MYO1B: variants seen among roughly 807,000 people sequenced by gnomAD.
MYO1B encodes the protein unconventional myosin-Ib.
MYO1B carries 72 observed loss-of-function variants against 159.7 expected under a neutral mutation model. That is an observed-to-expected ratio of 0.45 (90% CI 0.37 to 0.55). The LOEUF (loss-of-function observed/expected upper bound fraction) is 0.55. Ranked by LOEUF, MYO1B falls within the 20% of genes least tolerant of loss-of-function variation. The pLI, the probability that MYO1B is intolerant of heterozygous loss-of-function variation, is 0.00. For missense variants in MYO1B, 1,062 were observed against 1,364.8 expected, an observed-to-expected ratio of 0.78 and a Z score of 3.50; for synonymous variants, 468 against 473.8, an observed-to-expected ratio of 0.99 and a Z score of 0.16.
chr2:191,363,030 G>A (rs1233116326), intron 9 of MYO1B, among the ~76,000 whole-genome samples: 3 of 152,214 alleles, frequency 2.0e-5, no homozygotes, highest in African/African-American at 7.2e-5. Context: ...TTTTGTATAT[G>A]TTTGACAACA....
intron 23 of MYO1B, 127 bp from the exon 24 acceptor site, chr2:191,402,505 T>C: frequency 1.3e-6 from 1 of 796,278 alleles, no homozygotes; most frequent in South Asian, 1.5e-5. Context: ...TGTTATGCAC[T>C]GTTCCTCTGT....
At chr2:191,344,739 A>G (rs1692450708) in intron 5 of MYO1B, among the ~76,000 whole-genome samples, 1 of 147,376 alleles carries the variant, frequency 6.8e-6, no homozygotes, top group South Asian at 2.3e-4. Flanking sequence ...CTGAGGCAGG[A>G]GAATGGCGTG....
At chr2:191,317,376 C>T (rs181991342) in intron 3 of MYO1B, among the ~76,000 whole-genome samples, 1 of 152,336 alleles carries the variant, frequency 6.6e-6, no homozygotes, top group African/African-American at 2.4e-5. Context: ...AGCATATTCT[C>T]ATTAGCCAGC....
intron 3 of MYO1B, among the ~76,000 whole-genome samples, chr2:191,322,844 G>A (rs971095560): frequency 1.3e-5 from 2 of 152,108 alleles, no homozygotes; most frequent in African/African-American, 4.8e-5. Context: ...AGAATTTGGG[G>A]TGAGACCACA....
intron 2 of MYO1B, among the ~76,000 whole-genome samples, chr2:191,289,155 G>C (rs376452383): frequency 2.0e-5 from 3 of 152,152 alleles, no homozygotes; most frequent in Non-Finnish European, 4.4e-5. Flanking sequence ...GGATTTCTCA[G>C]GTGGTAAAAT....
intron 1 of MYO1B, among the ~76,000 whole-genome samples, chr2:191,271,519 A>C (rs199815811): frequency 0.024 from 1 of 42 alleles, no homozygotes; most frequent in African/African-American, 0.029. Flanking sequence ...ATTTAAATCT[A>C]AAAAAAAAAA....
In MYO1B at chr2:191,269,565, G is replaced by C. The variant is rs116383395; in HGVS notation, c.-9-7322G>C. 3.4e-3 allele frequency among the ~76,000 whole-genome samples: 517 copies of C among 152,264 alleles called. 1 individual carries two copies. The highest frequency in any genetic ancestry group is 0.012 in the African/African-American group (497 of 41,546). On this transcript the variant is annotated intron_variant, in intron 1 of 30. Coordinates refer to ENST00000392318, the MANE Select transcript of MYO1B (RefSeq NM_001130158.3). ...GGGAGTCTGTGTTTAATTTGTTGGA[G>C]GCTCTGCTAAAGAATCATAATGCTG...
At chr2:191,308,704 T>C (rs983233746) in intron 3 of MYO1B, among the ~76,000 whole-genome samples, 3 of 152,234 alleles carry the variant, frequency 2.0e-5, no homozygotes, top group African/African-American at 7.2e-5. Context: ...CTTTTTCTTT[T>C]GTAAATCACT....
rs150527795 is a variant in MYO1B at position 191,272,230 on chromosome 2, G to A, written c.-9-4657G>A. On this transcript the variant is annotated intron_variant, in intron 1 of 30. Coordinates refer to ENST00000392318, the MANE Select transcript of MYO1B (RefSeq NM_001130158.3). ...CAGAGAGCTGAAAAGAACTGGCACA[G>A]CCTGTGGAGTTGCCTGGCACCAGTT... Among the ~76,000 whole-genome samples, 7 of 152,346 alleles carry A rather than the reference G, an allele frequency of 4.6e-5. No homozygotes were observed. The East Asian group carries it at 1.3e-3, about 29-fold the overall frequency.
At chr2:191,271,123 G>C (rs1356159677) in intron 1 of MYO1B, among the ~76,000 whole-genome samples, 1 of 152,180 alleles carries the variant, frequency 6.6e-6, no homozygotes, top group Non-Finnish European at 1.5e-5. Context: ...TGATTTTCTA[G>C]AAAAGGTGCT....
In MYO1B at chr2:191,350,196, G is replaced by A. The variant is rs552792004; in HGVS notation, c.533G>A (p.Gly178Asp). 2 of 1,612,792 alleles carry A rather than the reference G, an allele frequency of 1.2e-6. No homozygotes were observed. The highest frequency in any genetic ancestry group is 1.1e-5 in the South Asian group (1 of 91,022). ...ATGGATATTGAATTTGACTTTAAAG[G>A]CGATCCACTAGGAGGAGTAATAAGT... ...KYMDIEFDFK[G>D]DPLGGVISNY... Residue 178 changes from glycine to aspartate, a missense_variant, in exon 7 of 31, where the codon GGC (glycine) becomes GAC (aspartate). Physicochemically the swap from Gly to Asp is moderately conservative, Grantham distance 94 (BLOSUM62 -1). Coordinates refer to ENST00000392318, the MANE Select transcript of MYO1B (RefSeq NM_001130158.3).
chr2:191,271,077 A>T (rs192022170), intron 1 of MYO1B, among the ~76,000 whole-genome samples: 20 of 152,358 alleles, frequency 1.3e-4, no homozygotes, highest in African/African-American at 4.8e-4. Flanking sequence ...TCAGGAAATA[A>T]AGATGAATAA....
At chr2:191,396,976 G>A (rs1330460610) in intron 21 of MYO1B, among the ~76,000 whole-genome samples, 2 of 152,136 alleles carry the variant, frequency 1.3e-5, no homozygotes, top group Non-Finnish European at 2.9e-5. Flanking sequence ...CCTGGTTCTA[G>A]GTCCTTGCTG....
chr2:191,377,006 G>T (rs1694751388), intron 13 of MYO1B, among the ~76,000 whole-genome samples: 1 of 152,154 alleles, frequency 6.6e-6, no homozygotes, highest in African/African-American at 2.4e-5. Context: ...AATCGACTGG[G>T]AATAAGATTT....
At chr2:191,345,764 C>A (rs1473549900) in intron 5 of MYO1B, among the ~76,000 whole-genome samples, 2 of 152,086 alleles carry the variant, frequency 1.3e-5, no homozygotes, top group Non-Finnish European at 2.9e-5. Flanking sequence ...ATTTAAATAG[C>A]TTTATTTTAA....
At chr2:191,417,242 A>G (rs1405025198) in intron 30 of MYO1B, among the ~76,000 whole-genome samples, 1 of 152,076 alleles carries the variant, frequency 6.6e-6, no homozygotes, top group East Asian at 1.9e-4. Context: ...GGCTTTTCTT[A>G]AGTTCTCATT....
chr2:191,400,358 C>T (rs1696531780), intron 21 of MYO1B, 24 bp from the exon 22 acceptor site: 1 of 1,611,924 alleles, frequency 6.2e-7, no homozygotes, highest in African/African-American at 1.3e-5. Context: ...AACATTCTCT[C>T]TTTTGGGTGA....
At position 191,393,088 on chromosome 2, in the gene MYO1B, G is replaced by C; in HGVS notation, c.2092G>C (p.Asp698His). The change falls in exon 20 of 31, where the codon GAC (aspartate) becomes CAC (histidine). Residue 698 changes from aspartate to histidine, a missense_variant. Around this residue, in one of 5 missense-constraint regions of MYO1B, gnomAD observed 609 missense variants for 744.4 expected, o/e 0.82. Transcript: ENST00000392318. ...RNPRTLFKLEDLRKQRLEDLA... is the reference protein window; with the variant it reads ...RNPRTLFKLEHLRKQRLEDLA... ...TTCTTATTAGTTATTCAAATTAGAA[G>C]ACCTGAGGAAGCAACGCCTGGAGGA... 1.9e-6 allele frequency: 3 copies of C among 1,613,062 alleles called. No homozygotes were observed. The highest frequency in any genetic ancestry group is 2.5e-6 in the Non-Finnish European group (3 of 1,179,462).
At chr2:191,345,291 A>G (rs892259974) in intron 5 of MYO1B, among the ~76,000 whole-genome samples, 1 of 152,148 alleles carries the variant, frequency 6.6e-6, no homozygotes, top group Admixed American at 6.5e-5. Flanking sequence ...TGAAATGGTA[A>G]AGATGGGCGG....
Sources: allele counts gnomAD v4.1 joint callset (sites outside exome capture counted in the v4.1 genomes callset), GRCh38; gene constraint gnomAD v4.1.1; regional missense constraint gnomAD v4.1.1; transcripts MANE v1.5; gene names NCBI Gene and HGNC (gene_info 2026-07-23, HGNC 2026-07-21).